GSK3B: variants seen among roughly 807,000 people sequenced by gnomAD.
GSK3B encodes glycogen synthase kinase-3 beta.
In GSK3B, 15 loss-of-function variants were observed where a neutral mutation model predicts 56.4. That is an observed-to-expected ratio of 0.27 (90% CI 0.18 to 0.41). GSK3B has a LOEUF of 0.41. GSK3B is among the 10% of genes least tolerant of loss of function. The pLI, the probability that GSK3B is intolerant of heterozygous loss-of-function variation, is 1.00. For missense variants in GSK3B, 300 were observed against 513.4 expected (o/e 0.58, Z 4.02); for synonymous variants, 181 against 188.9 (o/e 0.96, Z 0.34).
intron 2 of GSK3B, among the ~76,000 whole-genome samples, chr3:119,981,485 C>G (rs2057461226): frequency 6.6e-6 from 1 of 152,236 alleles, no homozygotes; most frequent in African/African-American, 2.4e-5. Flanking sequence ...TGGGAAACTA[C>G]CCACCCAAAT....
At chr3:119,995,720 G>A (rs1324232158) in intron 2 of GSK3B, among the ~76,000 whole-genome samples, 4 of 147,224 alleles carry the variant, frequency 2.7e-5, no homozygotes, top group African/African-American at 7.6e-5. Context: ...CACCGCACCC[G>A]GCCTAAGCCT....
intron 2 of GSK3B, among the ~76,000 whole-genome samples, chr3:119,966,440 A>G (rs2057318781): frequency 2.0e-5 from 3 of 152,232 alleles, no homozygotes; most frequent in South Asian, 4.1e-4. Flanking sequence ...CCAAGAAGAA[A>G]CAAATTTAGA....
At chr3:119,987,077 C>T (rs571859827) in intron 2 of GSK3B, among the ~76,000 whole-genome samples, 1 of 152,200 alleles carries the variant, frequency 6.6e-6, no homozygotes, top group African/African-American at 2.4e-5. Flanking sequence ...ATCACAAGGA[C>T]CTAAAACCAA....
chr3:119,939,632 G>A (rs1029932368), intron 3 of GSK3B, among the ~76,000 whole-genome samples: 4 of 152,146 alleles, frequency 2.6e-5, no homozygotes, highest in South Asian at 2.1e-4. Context: ...ACTAGAAGAA[G>A]AGAAATCACC....
rs1482209086 is a variant in GSK3B, at chr3:119,923,246, C to A, written c.477+127G>T. ...GTAAAAGGATTTAACAAAGTTCCAA[C>A]AATACCTACTTTACAGTTTTTCTCC... On this transcript the variant is annotated intron_variant, in intron 4 of 10. Coordinates refer to ENST00000264235, the MANE Select transcript of GSK3B (RefSeq NM_001146156.2). The A allele has an allele frequency of 7.6e-5, 38 of 499,010 alleles. No individual in the cohort carries two copies. The East Asian group carries it at 1.2e-3, about 16-fold the overall frequency. The allele number at this position is 499,010 out of a possible 1,614,324, so 30.9% of individuals were successfully genotyped here.
At chr3:119,954,315 G>GAATAGAAAAGA (rs879721657) in intron 2 of GSK3B, among the ~76,000 whole-genome samples, 22 of 128,896 alleles carry the variant, frequency 1.7e-4, no homozygotes, top group African/African-American at 4.4e-4. Flanking sequence ...AAAAGAAACA[G>GAATAGAAAAGA]AACAGAACAG....
chr3:120,080,621 A>G (rs2058411208), intron 1 of GSK3B, among the ~76,000 whole-genome samples: 1 of 152,118 alleles, frequency 6.6e-6, no homozygotes, highest in Admixed American at 6.6e-5. Flanking sequence ...ATTTGAGGAC[A>G]GGAGTTTGAG....
intron 3 of GSK3B, among the ~76,000 whole-genome samples, chr3:119,942,379 A>G (rs945302771): frequency 4.6e-5 from 7 of 151,628 alleles, no homozygotes; most frequent in Admixed American, 1.3e-4. Context: ...GCTCACTGCA[A>G]CCTCCTCCTC....
intron 2 of GSK3B, among the ~76,000 whole-genome samples, chr3:119,980,793 T>G (rs763732199): frequency 4.6e-5 from 7 of 152,226 alleles, no homozygotes; most frequent in Non-Finnish European, 1.0e-4. Flanking sequence ...AAGTTTGCTT[T>G]GGGAAAGAAT....
chr3:119,930,934 T>A (rs1301578184), intron 3 of GSK3B, among the ~76,000 whole-genome samples: 2 of 152,236 alleles, frequency 1.3e-5, no homozygotes, highest in African/African-American at 4.8e-5. Context: ...AATGAAAGCA[T>A]GTCTGCTATA....
intron 7 of GSK3B, among the ~76,000 whole-genome samples, chr3:119,890,056 T>C (rs1436903350): frequency 2.0e-5 from 3 of 151,928 alleles, no homozygotes; most frequent in Admixed American, 6.6e-5. Context: ...TTGGTGGGAG[T>C]GTAAAATAGT....
At chr3:119,945,235 C>T (rs2057088329) in intron 3 of GSK3B, among the ~76,000 whole-genome samples, 1 of 152,166 alleles carries the variant, frequency 6.6e-6, no homozygotes, top group Non-Finnish European at 1.5e-5. Flanking sequence ...CAATATATCA[C>T]AACTTTTCTT....
chr3:120,080,108 T>C (rs936939439), intron 1 of GSK3B, among the ~76,000 whole-genome samples: 3 of 152,056 alleles, frequency 2.0e-5, no homozygotes, highest in East Asian at 1.9e-4. Context: ...CTGGGTAATA[T>C]AGCAAAATCT....
rs112937241 is a variant in GSK3B at position 119,956,113 on chromosome 3, T to C, written c.283-8762A>G. Among the ~76,000 whole-genome samples the C allele has an allele frequency of 2.3e-4, 35 of 152,334 alleles. No individual in the cohort carries two copies. The South Asian group carries it at 6.2e-3, about 27-fold the overall frequency. ...CAATAGTAGTGATCACCTACTGCTA[T>C]TGAATTAGTAAATAGAAGGAGGGAG... On this transcript the variant is annotated intron_variant, in intron 2 of 10. Transcript: ENST00000264235.
chr3:119,881,953 T>C (rs1047487030), intron 7 of GSK3B, among the ~76,000 whole-genome samples: 9 of 152,326 alleles, frequency 5.9e-5, no homozygotes, highest in South Asian at 2.1e-4. Context: ...ATGTAATATA[T>C]GACTTTGCTC....
Position 119,947,319 on chromosome 3 carries a change from A to T in GSK3B, c.315T>A (p.Asp105Glu). 1 of 1,607,014 alleles carries T rather than the reference A, an allele frequency of 6.2e-7. No homozygotes were observed. Among genetic ancestry groups the T allele is most frequent in the South Asian group, 1.1e-5 (1 of 90,894 alleles). The change falls in exon 3 of 11, where the codon GAT (aspartate) becomes GAA (glutamate). Residue 105 changes from aspartate to glutamate, a missense_variant. By Grantham distance (45) the Asp-to-Glu change is conservative (BLOSUM62 2). This residue lies in a region of GSK3B where 62 missense variants were observed against 84.0 expected (regional missense o/e 0.74). Coordinates refer to ENST00000264235, the MANE Select transcript of GSK3B (RefSeq NM_001146156.2). The stretch of plus-strand genomic sequence containing the variant: ...AACGCAATCGGACTATGTTACAGTG[A>T]TCTAGCTTTCTCATGATCTGGAGCT... ...NRELQIMRKL[D>E]HCNIVRLRYF...
chr3:119,892,222 C>T (rs1432938350), intron 7 of GSK3B, among the ~76,000 whole-genome samples: 1 of 152,136 alleles, frequency 6.6e-6, no homozygotes, highest in African/African-American at 2.4e-5. Flanking sequence ...GCTTAAAATC[C>T]TGCAATTGCT....
intron 8 of GSK3B, among the ~76,000 whole-genome samples, chr3:119,866,264 T>C (rs1204301880): frequency 6.6e-6 from 1 of 152,196 alleles, no homozygotes; most frequent in East Asian, 1.9e-4. Context: ...CTTCTTTCCT[T>C]ACTCACTGAA....
intron 1 of GSK3B, among the ~76,000 whole-genome samples, chr3:120,064,670 A>G (rs897684970): frequency 2.6e-5 from 4 of 152,172 alleles, no homozygotes; most frequent in African/African-American, 9.6e-5. Context: ...CCTAAAATAT[A>G]TATGAAATTG....
Sources: gnomAD v4.1 joint callset for allele counts (sites outside exome capture counted in the v4.1 genomes callset) on GRCh38, gnomAD v4.1.1 for gene constraint, gnomAD v4.1.1 regional missense constraint, MANE v1.5 for transcripts, NCBI Gene and HGNC (gene_info 2026-07-23, HGNC 2026-07-21) for gene names.